The following KLC1 variants were observed in gnomAD, a reference collection of about 807,000 sequenced individuals.
KLC1 encodes the protein kinesin light chain 1.
Under a neutral mutation model 84.2 loss-of-function variants are expected in KLC1, and 30 were observed. The observed-to-expected ratio is 0.36, with a 90% CI of 0.27 to 0.48. The LOEUF (loss-of-function observed/expected upper bound fraction) is 0.48, where lower values mean the gene tolerates loss of function less well. Among genes scored for constraint, KLC1 ranks in the 20% least tolerant of loss-of-function variants. The pLI is 0.99. For missense variants in KLC1, 499 were observed against 805.4 expected, an observed-to-expected ratio of 0.62 and a Z score of 4.60; for synonymous variants, 289 against 293.3, an observed-to-expected ratio of 0.99 and a Z score of 0.15.
intron 1 of KLC1, among the ~76,000 whole-genome samples, chr14:103,630,110 T>A (rs1201218981): frequency 6.6e-6 from 1 of 152,230 alleles, no homozygotes; most frequent in African/African-American, 2.4e-5. Flanking sequence ...TTATTTTCAG[T>A]AACCAGATGC....
intron 1 of KLC1, among the ~76,000 whole-genome samples, chr14:103,651,000 T>C (rs894065749): frequency 8.6e-5 from 13 of 151,520 alleles, no homozygotes; most frequent in African/African-American, 3.2e-4. Context: ...TCGTTTACAG[T>C]TTTATACCTT....
Position 103,684,829 on chromosome 14 carries a change from C to T in KLC1, c.1651-2252C>T, listed in dbSNP as rs1296997427. ...TGTATTATAAACTACTGTAGTGTAGCGCTGAGTTTTGAAATGAACAGCAGG... is the reference window on the plus strand; with the variant it reads ...TGTATTATAAACTACTGTAGTGTAGTGCTGAGTTTTGAAATGAACAGCAGG... On this transcript the variant is annotated intron_variant, in intron 13 of 16. Transcript: ENST00000334553. 1.1e-5 allele frequency: 7 copies of T among 636,968 alleles called. 1 individual carries two copies. In the Middle Eastern group the frequency reaches 7.6e-4, roughly 69 times the overall value. The allele number at this position is 636,968 out of a possible 1,614,324, so 39.5% of individuals were successfully genotyped here. A position where few individuals can be genotyped will look rare whatever the true frequency, so the allele number is the denominator to read the frequency against.
chr14:103,677,664 T>C, intron 12 of KLC1, 141 bp downstream of exon 12: 2 of 645,780 alleles, frequency 3.1e-6, no homozygotes, highest in South Asian at 1.9e-5. Flanking sequence ...TTATATTGTT[T>C]AAAAGAGCAT....
intron 15 of KLC1, chr14:103,699,627 G>A: frequency 6.3e-7 from 1 of 1,593,516 alleles, no homozygotes; most frequent in Non-Finnish European, 8.6e-7. Context: ...CCCCGCCCCA[G>A]GTGACCAGAC....
At chr14:103,636,499 C>T (rs371587762) in intron 1 of KLC1, among the ~76,000 whole-genome samples, 51 of 152,166 alleles carry the variant, frequency 3.4e-4, no homozygotes, top group East Asian at 2.1e-3. Flanking sequence ...GGATTACAGG[C>T]GTGAGCCACC....
chr14:103,675,634 T>C, intron 10 of KLC1, 33 bp downstream of exon 10: 2 of 1,600,998 alleles, frequency 1.2e-6, no homozygotes, highest in South Asian at 1.1e-5. Flanking sequence ...TTTTCTAAAT[T>C]GTATATACTG....
chr14:103,677,671 G>T (rs2081013349), intron 12 of KLC1, 148 bp downstream of exon 12: 2 of 629,798 alleles, frequency 3.2e-6, no homozygotes, highest in African/African-American at 3.7e-5. Flanking sequence ...GTTTAAAAGA[G>T]CATGAGGCCG....
chr14:103,670,956 C>T lies in KLC1; in HGVS notation c.987+673C>T, dbSNP rs538137577. ...AAGAAAAGAAGGTCCAGTTATGAGG[C>T]GTGTGCATTTAGAAAGGTGCAGTCC... On this transcript the variant is annotated intron_variant, in intron 7 of 16. Coordinates refer to ENST00000334553, the MANE Select transcript of KLC1 (RefSeq NM_001394837.1). Among the ~76,000 whole-genome samples, 14 of 151,996 alleles carry T rather than the reference C, an allele frequency of 9.2e-5. 1 individual carries two copies. The highest frequency in any genetic ancestry group is 2.4e-4 in the African/African-American group (10 of 41,390).
intron 1 of KLC1, among the ~76,000 whole-genome samples, chr14:103,635,976 A>G (rs1377514660): frequency 6.6e-6 from 1 of 152,114 alleles, no homozygotes; most frequent in East Asian, 1.9e-4. Context: ...TCCTATCATT[A>G]CTTTTTCTTG....
chr14:103,637,021 C>T (rs899157849), intron 1 of KLC1, among the ~76,000 whole-genome samples: 3 of 150,526 alleles, frequency 2.0e-5, no homozygotes, highest in Non-Finnish European at 4.4e-5. Context: ...TGAGCCACCA[C>T]GCCCAGCAGT....
At chr14:103,686,237 G>C in intron 13 of KLC1, 1 of 985,908 alleles carries the variant, frequency 1.0e-6, no homozygotes, top group South Asian at 4.7e-5. Flanking sequence ...CTGTGTCTTG[G>C]TGTCTGTCTG....
chr14:103,649,562 CAAAA>C (rs35297746), intron 1 of KLC1, among the ~76,000 whole-genome samples: 847 of 75,798 alleles, frequency 0.011, 5 homozygotes, highest in Non-Finnish European at 0.017. Context: ...GACCTCATCT[CAAAA>C]AAAAAAAAAA....
At position 103,679,315 on chromosome 14, in the gene KLC1, A is replaced by G. The variant is rs145673169; in HGVS notation, c.1489-69A>G. 1,209 of 1,420,314 alleles carry G rather than the reference A, an allele frequency of 8.5e-4. 14 individuals carry two copies. In the East Asian group the frequency reaches 0.018, roughly 21 times the overall value. The allele number at this position is 1,420,314 out of a possible 1,614,324, so 88.0% of individuals were successfully genotyped here. A position where few individuals can be genotyped will look rare whatever the true frequency, so the allele number is the denominator to read the frequency against. ...TTTTTTTTTTTTTTTCTAGCGAAGT[A>G]TCTCAGAAATACCTAAGAAAATCTT... On this transcript the variant is annotated intron_variant, in intron 12 of 16. Coordinates refer to ENST00000334553, the MANE Select transcript of KLC1 (RefSeq NM_001394837.1).
At chr14:103,675,272 G>A (rs1360576825) in intron 9 of KLC1, among the ~76,000 whole-genome samples, 1 of 152,090 alleles carries the variant, frequency 6.6e-6, no homozygotes, top group African/African-American at 2.4e-5. Flanking sequence ...TTGCAGCGAG[G>A]CGGGATCACA....
chr14:103,664,843 T>A (rs1042821859), intron 5 of KLC1, among the ~76,000 whole-genome samples: 9 of 103,706 alleles, frequency 8.7e-5, no homozygotes, highest in Non-Finnish European at 1.7e-4. Flanking sequence ...TTTTTTTTTT[T>A]AAACTTATAT....
intron 3 of KLC1, among the ~76,000 whole-genome samples, chr14:103,659,715 A>G (rs2079125910): frequency 6.6e-6 from 1 of 152,108 alleles, no homozygotes; most frequent in Non-Finnish European, 1.5e-5. Flanking sequence ...CTACTGAAAC[A>G]GTTTTTTGCG....
intron 1 of KLC1, among the ~76,000 whole-genome samples, 161 bp from the exon 2 acceptor site, chr14:103,654,403 C>A (rs893292971): frequency 6.6e-6 from 1 of 152,294 alleles, no homozygotes; most frequent in South Asian, 2.1e-4. Flanking sequence ...AAAGGAAAAA[C>A]AGAAACTGCA....
Position 103,675,683 on chromosome 14 carries a change from A to C in KLC1, c.1312-6A>C, listed in dbSNP as rs2080817533. ...TATTCATTTGAAATTATTTCTTATA[A>C]TTTAGGGAAAGCAAAAGGATGGGAC... On this transcript the variant is annotated splice_region_variant and splice_polypyrimidine_tract_variant and intron_variant, in intron 10 of 16. Coordinates refer to ENST00000334553, the MANE Select transcript of KLC1 (RefSeq NM_001394837.1). The C allele has an allele frequency of 4.3e-6, 7 of 1,613,014 alleles. No homozygotes were observed. Among genetic ancestry groups the C allele is most frequent in the Non-Finnish European group, 5.9e-6 (7 of 1,179,142 alleles).
chr14:103,641,592 A>T (rs1234323317), intron 1 of KLC1, among the ~76,000 whole-genome samples: 1 of 151,992 alleles, frequency 6.6e-6, no homozygotes, highest in Non-Finnish European at 1.5e-5. Context: ...TTTTAAAAAA[A>T]ATTTAATAAT....
Sources: gnomAD v4.1 joint callset for allele counts (sites outside exome capture counted in the v4.1 genomes callset) on GRCh38, gnomAD v4.1.1 for gene constraint, MANE v1.5 for transcripts, NCBI Gene and HGNC (gene_info 2026-07-23, HGNC 2026-07-21) for gene names.